Variants in CANX observed in about 807,000 individuals in gnomAD.
CANX encodes the protein calnexin, also known as epididymis secretory sperm binding protein.
CANX carries 14 observed loss-of-function variants against 75.7 expected under a neutral mutation model. The observed-to-expected ratio is 0.19, with a 90% confidence interval of 0.12 to 0.29. The LOEUF is 0.29. CANX is among the 10% of genes least tolerant of loss of function. The pLI, the probability that CANX is intolerant of heterozygous loss-of-function variation, is 1.00. For missense variants in CANX, 567 were observed against 713.2 expected, an observed-to-expected ratio of 0.79 and a Z score of 2.34; for synonymous variants, 227 against 236.9, an observed-to-expected ratio of 0.96 and a Z score of 0.38.
chr5:179,702,330 G>A (rs911451404), intron 1 of CANX, among the ~76,000 whole-genome samples: 3 of 151,638 alleles, frequency 2.0e-5, no homozygotes, highest in Non-Finnish European at 4.4e-5. Context: ...GGGATTACAC[G>A]CGCGAGCCAC....
intron 10 of CANX, among the ~76,000 whole-genome samples, chr5:179,721,525 T>C (rs899645852): frequency 6.6e-6 from 1 of 152,196 alleles, no homozygotes; most frequent in Non-Finnish European, 1.5e-5. Flanking sequence ...CTGGACAATC[T>C]GTGATGTGGT....
intron 1 of CANX, chr5:179,679,102 G>A: frequency 1.3e-6 from 2 of 1,535,786 alleles, no homozygotes; most frequent in East Asian, 2.4e-5. Context: ...GCCACAGGCG[G>A]CTGGCATGGC....
At chr5:179,706,029 G>A (rs376639174) in intron 2 of CANX, among the ~76,000 whole-genome samples, 177 bp downstream of exon 2, 1 of 152,054 alleles carries the variant, frequency 6.6e-6, no homozygotes, top group African/African-American at 2.4e-5. Flanking sequence ...AGAAAAACAT[G>A]GTGAAGATAA....
chr5:179,702,423 CCTT>C (rs1562462459), intron 1 of CANX, among the ~76,000 whole-genome samples: 1 of 143,982 alleles, frequency 6.9e-6, no homozygotes, highest in Non-Finnish European at 1.5e-5. Context: ...TTCCTTCCTT[CCTT>C]CTTTTTTAAA....
At chr5:179,709,362 C>T (rs113070982) in intron 6 of CANX, among the ~76,000 whole-genome samples, 2 of 151,012 alleles carry the variant, frequency 1.3e-5, no homozygotes, top group East Asian at 1.9e-4. Context: ...TGCAGTGAGC[C>T]GAGATTGCGC....
intron 7 of CANX, 108 bp downstream of exon 7, chr5:179,710,173 A>C (rs1467108867): frequency 1.5e-6 from 1 of 681,058 alleles, no homozygotes; most frequent in African/African-American, 1.9e-5. Flanking sequence ...CTGTAATCCC[A>C]GCACTTTGGG....
At chr5:179,688,127 G>T (rs1305032610) in intron 1 of CANX, among the ~76,000 whole-genome samples, 1 of 149,118 alleles carries the variant, frequency 6.7e-6, no homozygotes, top group Non-Finnish European at 1.5e-5. Context: ...GCACGATCTC[G>T]GCTCACTGCA....
At chr5:179,709,685 C>T (rs1253095312) in intron 6 of CANX, 188 bp from the exon 7 acceptor site, 4 of 460,120 alleles carry the variant, frequency 8.7e-6, no homozygotes, top group South Asian at 3.8e-5. Flanking sequence ...GACACTTAAA[C>T]GTTATTTTAA....
At position 179,714,147 on chromosome 5, in the gene CANX, C is replaced by T. The variant is rs140567889; in HGVS notation, c.722-1958C>T. ...CTGAATAGTTGGGACTATAGGCATGCGCCACCATGCCCGGCCAATTTTTTT... is the reference window on the plus strand; with the variant it reads ...CTGAATAGTTGGGACTATAGGCATGTGCCACCATGCCCGGCCAATTTTTTT... On this transcript the variant is annotated intron_variant, in intron 7 of 14. Transcript: ENST00000247461. Among the ~76,000 whole-genome samples the T allele has an allele frequency of 2.8e-3, 423 of 152,108 alleles. 1 individual carries two copies. Among genetic ancestry groups the T allele is most frequent in the African/African-American group, 9.6e-3 (399 of 41,490 alleles).
chr5:179,716,556 T>TC lies in CANX; in HGVS notation c.911+263dup, dbSNP rs1777964538. Reference sequence around the variant, plus strand: ...GTGACACTGTTGGTTTGTGGCAGAATCTCAGGTCCTTTAACCTGGCTACTC... The same window carrying TC: ...GTGACACTGTTGGTTTGTGGCAGAATCCTCAGGTCCTTTAACCTGGCTACTC... On this transcript the variant is annotated intron_variant, in intron 8 of 14. Transcript: ENST00000247461. Among the ~76,000 whole-genome samples, 3 of 152,222 alleles carry TC rather than the reference T, an allele frequency of 2.0e-5. No homozygotes were observed. The South Asian group carries it at 6.2e-4, about 32-fold the overall frequency.
In CANX at chr5:179,731,003, A is replaced by ATAAT. The variant is rs1311017231; in HGVS notation, c.*2361_*2364dup. 4 of 152,332 alleles carry ATAAT rather than the reference A, an allele frequency of 2.6e-5. No homozygotes were observed. The East Asian group carries it at 5.8e-4, about 22-fold the overall frequency. 9.4% of individuals were successfully genotyped at this position (152,332 alleles called of 1,614,324 possible). On this transcript the variant is annotated 3_prime_UTR_variant, in exon 15 of 15. Transcript: ENST00000247461. Reference sequence around the variant, plus strand: ...GTTCAATTAGTGGGTTGATCTTCGTATAATTGGCCACTATGTGAGAGTTCA... The same window carrying ATAAT: ...GTTCAATTAGTGGGTTGATCTTCGTATAATTAATTGGCCACTATGTGAGAGTTCA...
At chr5:179,709,461 T>C (rs573872988) in intron 6 of CANX, among the ~76,000 whole-genome samples, 1 of 152,198 alleles carries the variant, frequency 6.6e-6, no homozygotes, top group African/African-American at 2.4e-5. Flanking sequence ...AATAAAGGCT[T>C]CCTCCCCTGC....
intron 7 of CANX, among the ~76,000 whole-genome samples, chr5:179,712,585 ATTTTTT>A: frequency 7.5e-6 from 1 of 133,318 alleles, no homozygotes; most frequent in African/African-American, 2.8e-5. Flanking sequence ...CGCCTGGCTA[ATTTTTT>A]TTTTTTTTTT....
At chr5:179,687,019 C>T (rs542584000) in intron 1 of CANX, among the ~76,000 whole-genome samples, 4 of 152,196 alleles carry the variant, frequency 2.6e-5, no homozygotes, top group East Asian at 3.9e-4. Context: ...TCAGGTAATC[C>T]GTCTGCCTTG....
chr5:179,687,310 A>G (rs778782748), intron 1 of CANX, among the ~76,000 whole-genome samples: 4 of 151,128 alleles, frequency 2.6e-5, no homozygotes, highest in Non-Finnish European at 5.9e-5. Flanking sequence ...TCACCGTGTT[A>G]GTCAGGATGG....
At chr5:179,697,723 C>T (rs1375171226), upstream of CANX, among the ~76,000 whole-genome samples, 1 of 152,002 alleles carries the variant, frequency 6.6e-6, no homozygotes, top group African/African-American at 2.4e-5. Flanking sequence ...TGAAACCTGT[C>T]TCTACTAAAA....
At chr5:179,681,642 C>A (rs1428558384) in intron 1 of CANX, among the ~76,000 whole-genome samples, 1 of 152,120 alleles carries the variant, frequency 6.6e-6, no homozygotes, top group African/African-American at 2.4e-5. Flanking sequence ...TGAGAGTTAC[C>A]AGCCAGCTCC....
At chr5:179,701,871 C>T (rs1345724452) in intron 1 of CANX, among the ~76,000 whole-genome samples, 1 of 146,690 alleles carries the variant, frequency 6.8e-6, no homozygotes, top group Non-Finnish European at 1.5e-5. Flanking sequence ...TCCCAAGTAG[C>T]TGGGACTACA....
At position 179,683,795 on chromosome 5, in the gene CANX, A is replaced by G. The variant is rs143355085; in HGVS notation, c.-4+5018A>G. Among the ~76,000 whole-genome samples, 223 of 152,158 alleles carry G rather than the reference A, an allele frequency of 1.5e-3. 2 individuals carry two copies. The highest frequency in any genetic ancestry group is 4.4e-3 in the African/African-American group (182 of 41,516). ...GTGATCCATCTGCCTCGGCCTCCCA[A>G]ACTGCTGGAATTACAGGTGTGAGCC... On this transcript the variant is annotated intron_variant, in intron 1 of 14. Transcript: ENST00000681674.
Sources: allele counts gnomAD v4.1 joint callset (sites outside exome capture counted in the v4.1 genomes callset), GRCh38; gene constraint gnomAD v4.1.1; transcripts MANE v1.5; gene names NCBI Gene and HGNC (gene_info 2026-07-23, HGNC 2026-07-21).